ARHGEF33: variants seen among roughly 807,000 people sequenced by gnomAD.
The protein encoded by ARHGEF33 is Rho guanine nucleotide exchange factor 33.
A neutral mutation model predicts 101.9 loss-of-function variants in ARHGEF33; 72 were observed. The observed-to-expected ratio is 0.71, with a 90% CI of 0.58 to 0.86. ARHGEF33 has a LOEUF of 0.86. Ranked by LOEUF, ARHGEF33 falls within the 40% of genes least tolerant of loss-of-function variation. The probability of loss-of-function intolerance (pLI) is 0.00; values close to 1 mark genes in which losing one functional copy is unlikely to be tolerated. For missense variants in ARHGEF33, 1,169 were observed against 1,111.3 expected (o/e 1.05, Z -0.74); for synonymous variants, 499 against 442.5 (o/e 1.13, Z -1.60).
chr2:38,969,952 T>C (rs1572785717), intron 17 of ARHGEF33, among the ~76,000 whole-genome samples: 3 of 152,330 alleles, frequency 2.0e-5, no homozygotes, highest in East Asian at 1.9e-4. Flanking sequence ...CATCTTAATA[T>C]ATACATCTTG....
chr2:38,967,554 C>T (rs745713582), intron 17 of ARHGEF33, among the ~76,000 whole-genome samples: 1 of 152,048 alleles, frequency 6.6e-6, no homozygotes, highest in African/African-American at 2.4e-5. Flanking sequence ...AAACAGACAC[C>T]TCTCCAGCCC....
chr2:38,935,519 G>C (rs573952534), intron 7 of ARHGEF33, among the ~76,000 whole-genome samples: 1 of 152,236 alleles, frequency 6.6e-6, no homozygotes, highest in South Asian at 2.1e-4. Context: ...AATATGCCAG[G>C]TAGAACTTCA....
chr2:38,898,236 G>A (rs1030713946), intron 2 of ARHGEF33, among the ~76,000 whole-genome samples: 5 of 152,182 alleles, frequency 3.3e-5, no homozygotes, highest in African/African-American at 1.2e-4. Flanking sequence ...AAAATCAAAT[G>A]GAATTGATTG....
At chr2:38,922,756 A>G (rs1252644507) in intron 4 of ARHGEF33, among the ~76,000 whole-genome samples, 1 of 152,220 alleles carries the variant, frequency 6.6e-6, no homozygotes, top group Non-Finnish European at 1.5e-5. Flanking sequence ...AAGGATTGCG[A>G]TAGAGGCATT....
chr2:38,959,948 G>A lies in ARHGEF33; in HGVS notation c.1643G>A (p.Arg548Gln). ...DWELEGRKHE[R>Q]PESLLAPTQF... ...GAGCTGGAGGGCAGGAAGCACGAGC[G>A]GCCCGAGAGCCTTCTGGCACCGACG... The change falls in exon 16 of 18, where the codon CGG becomes CAG. Residue 548 changes from arginine (R) to glutamine (Q), a missense_variant. By Grantham distance (43) the Arg-to-Gln change is conservative. Transcript: ENST00000409978. 1 of 1,551,558 alleles carries A rather than the reference G, an allele frequency of 6.4e-7. No homozygotes were observed. The highest frequency in any genetic ancestry group is 8.7e-7 in the Non-Finnish European group (1 of 1,146,908).
intron 1 of ARHGEF33, among the ~76,000 whole-genome samples, chr2:38,893,059 C>T (rs1339535704): frequency 6.6e-6 from 1 of 152,186 alleles, no homozygotes; most frequent in Non-Finnish European, 1.5e-5. Context: ...TCTATCTGCC[C>T]CCAATCTACC....
At chr2:38,948,153 G>A (rs779820763) in intron 10 of ARHGEF33, among the ~76,000 whole-genome samples, 6 of 152,092 alleles carry the variant, frequency 3.9e-5, no homozygotes, top group South Asian at 2.1e-4. Context: ...GCTTCTGGGC[G>A]TCAGGTCTGG....
intron 2 of ARHGEF33, among the ~76,000 whole-genome samples, chr2:38,905,434 T>A (rs996613451): frequency 2.6e-5 from 4 of 152,182 alleles, no homozygotes; most frequent in Non-Finnish European, 5.9e-5. Context: ...CTGAGTGATA[T>A]TTGGAATTAC....
intron 7 of ARHGEF33, among the ~76,000 whole-genome samples, chr2:38,934,161 G>A (rs921821564): frequency 6.6e-6 from 1 of 152,118 alleles, no homozygotes; most frequent in African/African-American, 2.4e-5. Flanking sequence ...TACCACTCCT[G>A]ATAGTTTTTG....
chr2:38,894,578 A>C (rs150908305), intron 1 of ARHGEF33, among the ~76,000 whole-genome samples: 1 of 152,324 alleles, frequency 6.6e-6, no homozygotes, highest in East Asian at 1.9e-4. Flanking sequence ...GGTTCCTGTC[A>C]TCTTGCTCTT....
chr2:38,893,493 A>C (rs981105834), intron 1 of ARHGEF33, among the ~76,000 whole-genome samples: 4 of 152,150 alleles, frequency 2.6e-5, no homozygotes, highest in Non-Finnish European at 5.9e-5. Context: ...GTTTCTACAT[A>C]TCATGCAAAG....
intron 10 of ARHGEF33, among the ~76,000 whole-genome samples, chr2:38,944,475 G>T (rs1667389959): frequency 6.6e-6 from 1 of 152,030 alleles, no homozygotes; most frequent in African/African-American, 2.4e-5. Context: ...CCCACCATAG[G>T]CTCCACCTCC....
At chr2:38,913,507 G>A (rs1666561012) in intron 2 of ARHGEF33, among the ~76,000 whole-genome samples, 1 of 152,156 alleles carries the variant, frequency 6.6e-6, no homozygotes, top group South Asian at 2.1e-4. Flanking sequence ...GGGCAAGGTG[G>A]CTCACGCCTG....
intron 11 of ARHGEF33, among the ~76,000 whole-genome samples, chr2:38,952,727 C>T (rs1318459161): frequency 6.7e-6 from 1 of 150,320 alleles, no homozygotes; most frequent in African/African-American, 2.5e-5. Flanking sequence ...GAGCCGGAGT[C>T]TCACTCTGTC....
In ARHGEF33 at chr2:38,975,167, A is replaced by G. The variant is rs941648672; in HGVS notation, c.*1324A>G. ...CAAAGGTTCACATGTAAGTGTTGCA[A>G]GTTTTCTTCTCCTTGTCTGATGACA... On this transcript the variant is annotated 3_prime_UTR_variant, in exon 18 of 18. Coordinates refer to ENST00000409978, the MANE Select transcript of ARHGEF33 (RefSeq NM_001145451.5). 2 of 152,194 alleles carry G rather than the reference A, an allele frequency of 1.3e-5. No individual in the cohort carries two copies. The highest frequency in any genetic ancestry group is 2.4e-5 in the African/African-American group (1 of 41,446). The allele number at this position is 152,194 out of a possible 1,614,324, so 9.4% of individuals were successfully genotyped here.
intron 2 of ARHGEF33, among the ~76,000 whole-genome samples, chr2:38,907,152 G>A (rs893709596): frequency 6.6e-6 from 1 of 152,178 alleles, no homozygotes; most frequent in South Asian, 2.1e-4. Flanking sequence ...GACTAGTTCT[G>A]TAGGGGAAAG....
rs3085350 is a variant in ARHGEF33 at position 38,955,481 on chromosome 2, C to CTTTTTT, written c.1221+1045_1221+1050dup. ...TATCAAAGCATCAATATTGAAAAGA[C>CTTTTTT]TTTTTTTTTTTTTTTTTTTTTTTTT... is the stretch of plus-strand genomic sequence containing the variant. On this transcript the variant is annotated intron_variant, in intron 13 of 17. Transcript: ENST00000409978. Among the ~76,000 whole-genome samples, 316 of 71,188 alleles carry CTTTTTT rather than the reference C, an allele frequency of 4.4e-3. 43 individuals carry two copies. Among genetic ancestry groups the CTTTTTT allele is most frequent in the Non-Finnish European group, 5.1e-3 (216 of 42,416 alleles). The allele number at this position is 71,188 out of a possible 152,430, so 46.7% of individuals were successfully genotyped here.
intron 9 of ARHGEF33, among the ~76,000 whole-genome samples, chr2:38,943,580 T>A (rs992901384): frequency 2.6e-5 from 4 of 152,224 alleles, no homozygotes; most frequent in Non-Finnish European, 4.4e-5. Context: ...GCCCCATATG[T>A]ATACTTTCAA....
At chr2:38,909,074 G>A (rs929045238) in intron 2 of ARHGEF33, among the ~76,000 whole-genome samples, 33 of 152,268 alleles carry the variant, frequency 2.2e-4, no homozygotes, top group African/African-American at 7.2e-4. Flanking sequence ...ATGAAACTCC[G>A]TGTATACCCC....
Sources: allele counts gnomAD v4.1 joint callset (sites outside exome capture counted in the v4.1 genomes callset), GRCh38; gene constraint gnomAD v4.1.1; transcripts MANE v1.5; gene names NCBI Gene and HGNC (gene_info 2026-07-23, HGNC 2026-07-21).